The following SYDE2 variants were observed in gnomAD, a reference collection of about 807,000 sequenced individuals.
SYDE2 encodes synapse defective Rho GTPase homolog 2, also known as rho GTPase-activating protein SYDE2.
SYDE2 carries 76 observed loss-of-function variants against 91.5 expected under a neutral mutation model. That is an observed-to-expected ratio of 0.83 (90% CI 0.69 to 1.01). The LOEUF (loss-of-function observed/expected upper bound fraction) is 1.01. Ranked by LOEUF, SYDE2 falls within the 50% of genes least tolerant of loss-of-function variation. The probability of loss-of-function intolerance (pLI) is 0.00; values close to 1 mark genes in which losing one functional copy is unlikely to be tolerated. For synonymous variants in SYDE2, 513 were observed against 506.4 expected, an observed-to-expected ratio of 1.01 and a Z score of -0.18; for missense variants, 1,364 against 1,367.7, an observed-to-expected ratio of 1.00 and a Z score of 0.04.
intron 4 of SYDE2, among the ~76,000 whole-genome samples, chr1:85,170,740 A>G (rs746270841): frequency 2.6e-5 from 4 of 152,232 alleles, no homozygotes; most frequent in Admixed American, 2.0e-4. Context: ...TTTTCAGGCC[A>G]TAGAGAGCTT....
chr1:85,160,072 A>G (rs1657005287), intron 6 of SYDE2: 1 of 984,186 alleles, frequency 1.0e-6, no homozygotes, highest in Non-Finnish European at 1.2e-6. Flanking sequence ...GCTATTCTGT[A>G]TATAAAATAG....
intron 1 of SYDE2, 75 bp from the exon 2 acceptor site, chr1:85,190,827 A>G (rs1002939034): frequency 1.8e-5 from 22 of 1,250,736 alleles, no homozygotes; most frequent in Non-Finnish European, 2.4e-5. Flanking sequence ...CAGACCAGTT[A>G]TTTAAAAAAA....
At position 85,181,001 on chromosome 1, in the gene SYDE2, C is replaced by T. The variant is rs1317028656; in HGVS notation, c.2544+1097G>A. On this transcript the variant is annotated intron_variant, in intron 3 of 6. Transcript: ENST00000341460. ...TTGGATTGGAAAAGTAAAGGCCTCACTCACACAAAGACAACACAAACTGGA... is the reference window on the plus strand; with the variant it reads ...TTGGATTGGAAAAGTAAAGGCCTCATTCACACAAAGACAACACAAACTGGA... Among the ~76,000 whole-genome samples, 4 of 152,208 alleles carry T rather than the reference C, an allele frequency of 2.6e-5. No individual in the cohort carries two copies. In the East Asian group the frequency reaches 7.7e-4, roughly 29 times the overall value.
Position 85,182,211 on chromosome 1 carries a change from G to A in SYDE2, c.2431C>T (p.Pro811Ser). Reference sequence around the variant, plus strand: ...TGAATATCAACTCCAAATATTATTGGTTCTTGGTTTATATCTAGTCCATGA... The same window carrying A: ...TGAATATCAACTCCAAATATTATTGATTCTTGGTTTATATCTAGTCCATGA... ...SLHGLDINQE[P>S]IIFGVDIQKV... The change falls in exon 3 of 7, where the codon CCA becomes TCA. Residue 811 changes from proline (P) to serine (S), a missense_variant. Physicochemically the swap from Pro to Ser is moderately conservative, Grantham distance 74 (BLOSUM62 -1). Transcript: ENST00000341460. 6.2e-7 allele frequency: 1 copy of A among 1,609,702 alleles called. No individual in the cohort carries two copies. Among genetic ancestry groups the A allele is most frequent in the Non-Finnish European group, 8.5e-7 (1 of 1,178,022 alleles).
At position 85,178,290 on chromosome 1, in the gene SYDE2, G is replaced by T. The variant is rs1450861097; in HGVS notation, c.2545-18C>A. On this transcript the variant is annotated intron_variant, in intron 3 of 6. Transcript: ENST00000341460. ...CCTACTACCTAGGAATAAAATTATG[G>T]CCACATTACAGTAAATTTGATAAAG... The T allele has an allele frequency of 2.6e-6, 4 of 1,549,394 alleles. No homozygotes were observed. Among genetic ancestry groups the T allele is most frequent in the Non-Finnish European group, 3.5e-6 (4 of 1,148,678 alleles).
At chr1:85,172,540 C>T (rs761982876) in intron 4 of SYDE2, among the ~76,000 whole-genome samples, 7 of 152,062 alleles carry the variant, frequency 4.6e-5, no homozygotes, top group African/African-American at 1.4e-4. Flanking sequence ...CTAGATTTAC[C>T]TTCCTGCTTG....
rs772971383 is a variant in SYDE2 at position 85,183,176 on chromosome 1, T to C, written c.1466A>G (p.Asn489Ser). ...FAGSGILAATNSTELGIMEPS... is the reference protein window; with the variant it reads ...FAGSGILAATSSTELGIMEPS... ...TTCCATAATTCCCAATTCAGTACTA[T>C]TTGTAGCAGCCAGGATCCCAGAACC... Residue 489 changes from asparagine to serine, a missense_variant, in exon 3 of 7, where the codon AAT (asparagine) becomes AGT (serine). Asn to Ser is a conservative substitution (Grantham distance 46). Transcript: ENST00000341460. 1.0e-5 allele frequency: 16 copies of C among 1,575,082 alleles called. No individual in the cohort carries two copies. Among genetic ancestry groups the C allele is most frequent in the Non-Finnish European group, 1.4e-5 (16 of 1,165,914 alleles).
chr1:85,192,126 C>A (rs1283492353), intron 1 of SYDE2, among the ~76,000 whole-genome samples: 1 of 152,080 alleles, frequency 6.6e-6, no homozygotes, highest in Admixed American at 6.6e-5. Flanking sequence ...CTTAAAACAA[C>A]CAAAAAATCA....
chr1:85,200,865 G>C lies in SYDE2; in HGVS notation c.132C>G (p.Pro44=). The change falls in exon 1 of 7, where the codon CCC becomes CCG. Residue 44 remains proline (P), a synonymous_variant. Transcript: ENST00000341460. Reference sequence around the variant, plus strand: ...CGCCGCCTCCCCGCTCCCCGTCCCGGGGGCAGGCTCGGCGGTACGCGGCGC... The same window carrying C: ...CGCCGCCTCCCCGCTCCCCGTCCCGCGGGCAGGCTCGGCGGTACGCGGCGC... ...SRGAAYRRAC[P]RDGERGGGGR... is the part of the protein sequence containing the mutation. 1.5e-6 allele frequency: 2 copies of C among 1,364,802 alleles called. No individual in the cohort carries two copies. The highest frequency in any genetic ancestry group is 9.4e-7 in the Non-Finnish European group (1 of 1,069,342). 84.5% of individuals were successfully genotyped at this position (1,364,802 alleles called of 1,614,324 possible). A position where few individuals can be genotyped will look rare whatever the true frequency, so the allele number is the denominator to read the frequency against.
intron 1 of SYDE2, chr1:85,194,780 T>A (rs1570277951): frequency 1.0e-6 from 1 of 962,816 alleles, no homozygotes. Context: ...AAATCTAGAT[T>A]ACTTACTGAA....
At position 85,200,295 on chromosome 1, in the gene SYDE2, G is replaced by A; in HGVS notation, c.702C>T (p.Asn234=). The change falls in exon 1 of 7, where the codon AAC becomes AAT. Residue 234 remains asparagine, a synonymous_variant. Transcript: ENST00000341460. ...PNVGALKVRE[N]RVLSVPPDQR... ...GGTCTGGAGGCACCGACAGGACACG[G>A]TTTTCACGCACTTTCAAAGCGCCCA... The A allele has an allele frequency of 1.9e-6, 3 of 1,614,004 alleles. No homozygotes were observed. Among genetic ancestry groups the A allele is most frequent in the Non-Finnish European group, 2.5e-6 (3 of 1,179,888 alleles).
At chr1:85,187,567 G>A (rs1202268204) in intron 2 of SYDE2, among the ~76,000 whole-genome samples, 1 of 150,000 alleles carries the variant, frequency 6.7e-6, no homozygotes, top group African/African-American at 2.4e-5. Flanking sequence ...ACATGCACAC[G>A]TATGTTTATT....
downstream of SYDE2, among the ~76,000 whole-genome samples, chr1:85,155,963 T>C (rs1656872062): frequency 6.6e-6 from 1 of 152,018 alleles, no homozygotes; most frequent in Admixed American, 6.6e-5. Context: ...TTAAAGTCAA[T>C]GGATCAAAAA....
intron 1 of SYDE2, among the ~76,000 whole-genome samples, chr1:85,193,223 A>AT (rs1361067623): frequency 6.6e-6 from 1 of 152,180 alleles, no homozygotes; most frequent in Non-Finnish European, 1.5e-5. Flanking sequence ...TGATCACATG[A>AT]TTTTGCCAGG....
chr1:85,200,720 C>A lies in SYDE2; in HGVS notation c.277G>T (p.Gly93Cys). ...CSRSLESLRV[G>C]AKPPPFQRWP... The stretch of plus-strand genomic sequence containing the variant: ...CGCTGGAAGGGAGGCGGCTTGGCAC[C>A]CACCCGGAGGCTCTCGAGGCTTCTG... The change falls in exon 1 of 7, where the codon GGT becomes TGT. Residue 93 changes from glycine (G) to cysteine (C), a missense_variant. Coordinates refer to ENST00000341460, the MANE Select transcript of SYDE2 (RefSeq NM_032184.2). The A allele has an allele frequency of 1.3e-6, 2 of 1,535,690 alleles. No homozygotes were observed. Among genetic ancestry groups the A allele is most frequent in the South Asian group, 1.2e-5 (1 of 84,036 alleles).
At position 85,190,242 on chromosome 1, in the gene SYDE2, G is replaced by C. The variant is rs1188655802; in HGVS notation, c.1256C>G (p.Thr419Ser). Residue 419 changes from threonine to serine, a missense_variant, in exon 2 of 7, where the codon ACT becomes AGT. Thr to Ser is a moderately conservative substitution (Grantham distance 58). Transcript: ENST00000341460. The stretch of plus-strand genomic sequence containing the variant: ...TTCGGAAGAGCACAGTGAGTCTTCA[G>C]TATGCCGCTCTGCTTTCATCAGGTC... ...GSDLMKAERH[T>S]EDSLCSSEHA... is the part of the protein sequence containing the mutation. 1 of 1,613,944 alleles carries C rather than the reference G, an allele frequency of 6.2e-7. No homozygotes were observed. Among genetic ancestry groups the C allele is most frequent in the Non-Finnish European group, 8.5e-7 (1 of 1,179,872 alleles).
intron 2 of SYDE2, among the ~76,000 whole-genome samples, chr1:85,187,568 TA>T (rs1225801574): frequency 2.0e-5 from 3 of 150,310 alleles, no homozygotes; most frequent in Non-Finnish European, 4.5e-5. Context: ...CATGCACACG[TA>T]TGTTTATTGC....
intron 4 of SYDE2, among the ~76,000 whole-genome samples, chr1:85,176,352 A>T (rs539377524): frequency 2.0e-4 from 31 of 152,266 alleles, no homozygotes; most frequent in African/African-American, 7.2e-4. Context: ...GTAAGAAAAA[A>T]GTGACAGTTT....
At position 85,183,072 on chromosome 1, in the gene SYDE2, G is replaced by A. The variant is rs374408782; in HGVS notation, c.1570C>T (p.Arg524Ter). Residue 524 changes from arginine (R) to a stop codon, truncating the protein, a stop_gained, in exon 3 of 7, where the codon CGA becomes TGA. Transcript: ENST00000341460. LOFTEE classifies it high-confidence loss of function. ...TTCATGGAAAGTTTCCTCACAGTTC[G>A]TGGAGATTTTATTTTATCTGGCAAT... is the stretch of plus-strand genomic sequence containing the variant. ...WSLPDKIKSP[R>*]TVRKLSMKMK... 37 of 1,613,392 alleles carry A rather than the reference G, an allele frequency of 2.3e-5. No individual in the cohort carries two copies. The highest frequency in any genetic ancestry group is 1.6e-4 in the Middle Eastern group (1 of 6,082).
Sources: allele counts gnomAD v4.1 joint callset (sites outside exome capture counted in the v4.1 genomes callset), GRCh38; gene constraint gnomAD v4.1.1; transcripts MANE v1.5; gene names NCBI Gene and HGNC (gene_info 2026-07-23, HGNC 2026-07-21).